The following PPP2R2A variants were observed in gnomAD, a reference collection of about 807,000 sequenced individuals.
The protein encoded by PPP2R2A is serine/threonine-protein phosphatase 2A 55 kDa regulatory subunit B alpha isoform.
In PPP2R2A, 9 loss-of-function variants were observed where a neutral mutation model predicts 53.2. That is an observed-to-expected ratio of 0.17 (90% CI 0.10 to 0.30). The LOEUF is 0.30. PPP2R2A is among the 10% of genes least tolerant of loss of function. The probability of loss-of-function intolerance (pLI) is 1.00; values close to 1 mark genes in which losing one functional copy is unlikely to be tolerated. For synonymous variants in PPP2R2A, 169 were observed against 174.2 expected, an observed-to-expected ratio of 0.97 and a Z score of 0.23; for missense variants, 235 against 534.6, an observed-to-expected ratio of 0.44 and a Z score of 5.53.
chr8:26,327,980 A>G (rs1378872125), intron 2 of PPP2R2A, among the ~76,000 whole-genome samples: 1 of 152,226 alleles, frequency 6.6e-6, no homozygotes, highest in Non-Finnish European at 1.5e-5. Flanking sequence ...GAACAGAGGT[A>G]AAGGTGATCT....
At chr8:26,292,672 G>C (rs7845238) in intron 1 of PPP2R2A, among the ~76,000 whole-genome samples, 3,876 of 152,212 alleles carry the variant, frequency 0.025, 169 homozygotes, top group African/African-American at 0.089. Flanking sequence ...AGGGGTGATG[G>C]GGGAGAGAGA....
intron 2 of PPP2R2A, among the ~76,000 whole-genome samples, chr8:26,302,499 C>T (rs7005099): frequency 0.063 from 9,645 of 152,194 alleles, 469 homozygotes; most frequent in East Asian, 0.25. Flanking sequence ...AGTAAAAGTG[C>T]GTGCTAGAGC....
chr8:26,347,504 G>A (rs1563314392), intron 3 of PPP2R2A, among the ~76,000 whole-genome samples: 1 of 151,100 alleles, frequency 6.6e-6, no homozygotes, highest in Non-Finnish European at 1.5e-5. Context: ...CACTTAATCT[G>A]TAGCATAGTT....
At chr8:26,298,096 C>G (rs577745877) in intron 2 of PPP2R2A, among the ~76,000 whole-genome samples, 1 of 152,294 alleles carries the variant, frequency 6.6e-6, no homozygotes, top group Admixed American at 6.5e-5. Context: ...GAGTTGTGAT[C>G]GGGAAGGGCT....
At chr8:26,363,979 T>A in intron 8 of PPP2R2A, 89 bp downstream of exon 8, 1 of 1,234,530 alleles carries the variant, frequency 8.1e-7, no homozygotes, top group South Asian at 2.1e-5. Context: ...TTTTAATCCC[T>A]GTATGGTGTT....
At chr8:26,365,514 C>T (rs1390033629) in intron 8 of PPP2R2A, 1 of 152,158 alleles carries the variant, frequency 6.6e-6, no homozygotes. Context: ...TCATTTCTGT[C>T]ATTTCTCCTT....
intron 2 of PPP2R2A, among the ~76,000 whole-genome samples, chr8:26,312,343 AT>A (rs1438452696): frequency 1.3e-5 from 2 of 152,218 alleles, no homozygotes; most frequent in Non-Finnish European, 2.9e-5. Context: ...ATGATGGTGC[AT>A]TTAGGTCTTG....
In PPP2R2A at chr8:26,362,017, A is replaced by ATTAAGATTAGATTAAGATTAATC. The variant is rs1331967559; in HGVS notation, c.638-644_638-622dup. 7.8e-3 allele frequency among the ~76,000 whole-genome samples: 982 copies of ATTAAGATTAGATTAAGATTAATC among 125,858 alleles called. 12 individuals are homozygous for ATTAAGATTAGATTAAGATTAATC. Among genetic ancestry groups the ATTAAGATTAGATTAAGATTAATC allele is most frequent in the African/African-American group, 0.022 (732 of 32,938 alleles). 82.6% of individuals were successfully genotyped at this position (125,858 alleles called of 152,430 possible). A position where few individuals can be genotyped will look rare whatever the true frequency, so the allele number is the denominator to read the frequency against. On this transcript the variant is annotated intron_variant, in intron 6 of 9. Transcript: ENST00000380737. The surrounding 1 kb of genome is among the most constrained non-coding windows in gnomAD (Gnocchi z 4.4). The stretch of plus-strand genomic sequence containing the variant: ...TTATATTAATTGATATTAAGATTAG[A>ATTAAGATTAGATTAAGATTAATC]TTAAGATTAGATTAAGATTAATCTT...
At chr8:26,346,117 GTTA>G (rs71551870) in intron 3 of PPP2R2A, among the ~76,000 whole-genome samples, 72,539 of 144,220 alleles carry the variant, frequency 0.5, 18,268 homozygotes, top group South Asian at 0.56. Flanking sequence ...TACCAGTCGG[GTTA>G]TTATTATTAT....
At chr8:26,346,171 C>T (rs1563313431) in intron 3 of PPP2R2A, among the ~76,000 whole-genome samples, 1 of 150,684 alleles carries the variant, frequency 6.6e-6, no homozygotes, top group East Asian at 1.9e-4. Context: ...TACAGAGTCT[C>T]ACTCTGTCAC....
intron 4 of PPP2R2A, among the ~76,000 whole-genome samples, chr8:26,359,863 C>T (rs955761711): frequency 5.9e-5 from 9 of 152,130 alleles, no homozygotes; most frequent in African/African-American, 2.2e-4. Flanking sequence ...TGTTTGCATA[C>T]ACCACACATG....
rs2046222 is a variant in PPP2R2A, at chr8:26,354,897, A to C, written c.346+264A>C. On this transcript the variant is annotated intron_variant, in intron 4 of 9. Coordinates refer to ENST00000380737, the MANE Select transcript of PPP2R2A (RefSeq NM_002717.4). This position sits in a 1 kb window ranked among gnomAD's most constrained non-coding sequence, Gnocchi z 4.6. ...TATACCATTGGATTTAGGTCAGGTA[A>C]TATTTCTGTCATTTCTCAGTCTCGT... is the stretch of plus-strand genomic sequence containing the variant. Among the ~76,000 whole-genome samples, 146,621 of 152,278 alleles carry C rather than the reference A, an allele frequency of 0.96. 70,628 individuals carry two copies. Among genetic ancestry groups the C allele is most frequent in the East Asian group, 1 (5,181 of 5,182 alleles).
At chr8:26,330,634 G>T (rs1185257968) in intron 2 of PPP2R2A, among the ~76,000 whole-genome samples, 3 of 152,040 alleles carry the variant, frequency 2.0e-5, no homozygotes, top group African/African-American at 7.2e-5. Context: ...ATTTATTCTT[G>T]ATCATATGGA....
intron 2 of PPP2R2A, among the ~76,000 whole-genome samples, chr8:26,308,466 C>T (rs1408702084): frequency 2.0e-5 from 3 of 152,144 alleles, no homozygotes; most frequent in African/African-American, 7.2e-5. Context: ...TTGTTTGTTT[C>T]ATTTCAACAA....
chr8:26,362,645 T>G lies in PPP2R2A; in HGVS notation c.638-39T>G. ...AGAAATGTAGAATTATATTTGCCCT[T>G]TTTTCTAAGTGGAAATTCCTTAATA... is the stretch of plus-strand genomic sequence containing the variant. On this transcript the variant is annotated intron_variant, in intron 6 of 9. Coordinates refer to ENST00000380737, the MANE Select transcript of PPP2R2A (RefSeq NM_002717.4). This position sits in a 1 kb window ranked among gnomAD's most constrained non-coding sequence, Gnocchi z 4.4. 2 of 1,594,578 alleles carry G rather than the reference T, an allele frequency of 1.3e-6. No homozygotes were observed. Among genetic ancestry groups the G allele is most frequent in the South Asian group, 2.2e-5 (2 of 90,032 alleles).
At chr8:26,319,611 G>GA (rs1802733575) in intron 2 of PPP2R2A, among the ~76,000 whole-genome samples, 1 of 151,960 alleles carries the variant, frequency 6.6e-6, no homozygotes, top group Non-Finnish European at 1.5e-5. Context: ...GTTTTGAAAA[G>GA]ACTGTACTTT....
At chr8:26,343,933 G>A (rs547812663) in intron 3 of PPP2R2A, among the ~76,000 whole-genome samples, 1 of 152,174 alleles carries the variant, frequency 6.6e-6, no homozygotes, top group East Asian at 1.9e-4. Flanking sequence ...CCCCATCCAG[G>A]CTTATAAAAT....
In PPP2R2A at chr8:26,291,703, C is replaced by CCCCCG; in HGVS notation, c.-117_-116insCCCCG. On this transcript the variant is annotated 5_prime_UTR_variant, in exon 1 of 10. Transcript: ENST00000380737. ...CCCCCCGGCCCCCGTCCCCTCCCCC[C>CCCCCG]GCAGGTGCCATCCGCCGCCATCCGC... 1.2e-6 allele frequency: 1 copy of CCCCCG among 825,260 alleles called. No individual in the cohort carries two copies. Among genetic ancestry groups the CCCCCG allele is most frequent in the Non-Finnish European group, 1.9e-6 (1 of 528,184 alleles). The allele number at this position is 825,260 out of a possible 1,614,324, so 51.1% of individuals were successfully genotyped here. A position where few individuals can be genotyped will look rare whatever the true frequency, so the allele number is the denominator to read the frequency against.
At chr8:26,348,764 C>G (rs907228111) in intron 3 of PPP2R2A, among the ~76,000 whole-genome samples, 20 of 151,982 alleles carry the variant, frequency 1.3e-4, no homozygotes, top group Admixed American at 1.3e-3. Flanking sequence ...ATGTTTATTG[C>G]AGAAAATAGG....
Sources: allele counts gnomAD v4.1 joint callset (sites outside exome capture counted in the v4.1 genomes callset), GRCh38; gene constraint gnomAD v4.1.1; non-coding constraint Gnocchi (gnomAD v3.1); transcripts MANE v1.5; gene names NCBI Gene and HGNC (gene_info 2026-07-23, HGNC 2026-07-21).